Variants in EXT2 observed in about 807,000 individuals in gnomAD.
EXT2 encodes the protein exostosin-2.
In EXT2, 53 loss-of-function variants were observed where a neutral mutation model predicts 81.6. The ratio of observed to expected loss-of-function variants is 0.65; its 90% CI spans 0.52 to 0.82. The LOEUF (loss-of-function observed/expected upper bound fraction) is 0.82. Among genes scored for constraint, EXT2 ranks in the 40% least tolerant of loss-of-function variants. The pLI, the probability that EXT2 is intolerant of heterozygous loss-of-function variation, is 0.00. For synonymous variants in EXT2, 320 were observed against 340.0 expected, an observed-to-expected ratio of 0.94 and a Z score of 0.65; for missense variants, 774 against 910.2, an observed-to-expected ratio of 0.85 and a Z score of 1.93.
intron 10 of EXT2, among the ~76,000 whole-genome samples, chr11:44,224,449 G>A (rs374986303): frequency 1.4e-3 from 220 of 151,908 alleles, no homozygotes; most frequent in African/African-American, 5.1e-3. Flanking sequence ...CATCTGTTAT[G>A]ATACTTTGGA....
intron 6 of EXT2, among the ~76,000 whole-genome samples, chr11:44,129,837 G>A (rs1166066882): frequency 1.3e-5 from 2 of 152,000 alleles, no homozygotes; most frequent in Non-Finnish European, 1.5e-5. Context: ...GGGAGTGGGA[G>A]GTAAAAAAAT....
intron 8 of EXT2, among the ~76,000 whole-genome samples, chr11:44,176,821 C>CT (rs1955164514): frequency 6.6e-6 from 1 of 150,630 alleles, no homozygotes; most frequent in African/African-American, 2.4e-5. Flanking sequence ...GAGATACACT[C>CT]TTAGGGTCTC....
chr11:44,162,684 A>C (rs1271134867), intron 7 of EXT2, among the ~76,000 whole-genome samples: 1 of 152,106 alleles, frequency 6.6e-6, no homozygotes, highest in Non-Finnish European at 1.5e-5. Flanking sequence ...AGTTAGGTGA[A>C]CCATTGTGTG....
chr11:44,215,938 G>A (rs1216707877), intron 10 of EXT2, among the ~76,000 whole-genome samples: 5 of 149,698 alleles, frequency 3.3e-5, no homozygotes, highest in Admixed American at 2.7e-4. Flanking sequence ...CTGCAGTGGC[G>A]CAATCTCGGC....
chr11:44,119,171 C>CATATATATATATATATATATATAT (rs72385660), intron 4 of EXT2, among the ~76,000 whole-genome samples: 4 of 17,822 alleles, frequency 2.2e-4, no homozygotes, highest in Non-Finnish European at 3.5e-4. Context: ...TATATATATA[C>CATATATATATATATATATATATAT]ACATACACAC....
At chr11:44,097,518 G>A (rs1424122770) in intron 1 of EXT2, among the ~76,000 whole-genome samples, 3 of 152,080 alleles carry the variant, frequency 2.0e-5, no homozygotes, top group Non-Finnish European at 2.9e-5. Context: ...GGCCAGGCGC[G>A]GTGGCTCACG....
At chr11:44,187,002 CTTCCTTCCT>C (rs1306620712) in intron 8 of EXT2, among the ~76,000 whole-genome samples, 2 of 132,042 alleles carry the variant, frequency 1.5e-5, no homozygotes, top group African/African-American at 5.9e-5. Flanking sequence ...TCCTTCCTTC[CTTCCTTCCT>C]TCCTTCCTTC....
chr11:44,132,964 A>C (rs995642800), intron 7 of EXT2, among the ~76,000 whole-genome samples: 3 of 152,180 alleles, frequency 2.0e-5, no homozygotes, highest in Admixed American at 1.3e-4. Context: ...TGGTTAAAGT[A>C]ATTTCCAGTT....
chr11:44,145,687 T>C (rs1441796804), intron 7 of EXT2, among the ~76,000 whole-genome samples: 1 of 152,150 alleles, frequency 6.6e-6, no homozygotes, highest in African/African-American at 2.4e-5. Flanking sequence ...TGGCCTGAGG[T>C]TATAAAACTT....
At chr11:44,189,763 T>C (rs1255747707) in intron 8 of EXT2, among the ~76,000 whole-genome samples, 1 of 152,234 alleles carries the variant, frequency 6.6e-6, no homozygotes, top group Admixed American at 6.5e-5. Context: ...AGTTATTATT[T>C]GAGAGTGAAA....
chr11:44,229,065 GT>G (rs1449810618), intron 10 of EXT2, among the ~76,000 whole-genome samples: 1 of 152,102 alleles, frequency 6.6e-6, no homozygotes, highest in Admixed American at 6.6e-5. Flanking sequence ...CATCCCTGGT[GT>G]TTAGTTATGT....
At chr11:44,158,674 T>G (rs1954889127) in intron 7 of EXT2, among the ~76,000 whole-genome samples, 1 of 151,758 alleles carries the variant, frequency 6.6e-6, no homozygotes, top group Non-Finnish European at 1.5e-5. Flanking sequence ...TGACCTTTGC[T>G]TTTTCTCTAA....
At chr11:44,239,928 G>A (rs1333325131) in intron 13 of EXT2, among the ~76,000 whole-genome samples, 1 of 151,978 alleles carries the variant, frequency 6.6e-6, no homozygotes, top group Non-Finnish European at 1.5e-5. Flanking sequence ...ATATAAAATG[G>A]CCTAGGATTT....
rs1049173582 is a variant in EXT2 at position 44,246,679 on chromosome 11, C to T, written c.*2392C>T. Among the ~76,000 whole-genome samples the T allele has an allele frequency of 2.6e-5, 4 of 152,128 alleles. No homozygotes were observed. Among genetic ancestry groups the T allele is most frequent in the African/African-American group, 4.8e-5 (2 of 41,420 alleles). Reference sequence around the variant, plus strand: ...ATGAACAGATAGGTGGTACAGTCACCGTAGAAATTCAAGACAGGGATATAG... The same window carrying T: ...ATGAACAGATAGGTGGTACAGTCACTGTAGAAATTCAAGACAGGGATATAG... On this transcript the variant is annotated 3_prime_UTR_variant, in exon 14 of 14. Coordinates refer to ENST00000533608, the MANE Select transcript of EXT2 (RefSeq NM_207122.2).
intron 1 of EXT2, among the ~76,000 whole-genome samples, chr11:44,100,893 C>T (rs1157346003): frequency 2.0e-5 from 3 of 152,080 alleles, no homozygotes; most frequent in African/African-American, 7.2e-5. Flanking sequence ...GAGGTATGCA[C>T]CTCTCTGATG....
At chr11:44,187,311 A>G (rs1955329369) in intron 8 of EXT2, among the ~76,000 whole-genome samples, 1 of 150,984 alleles carries the variant, frequency 6.6e-6, no homozygotes, top group Non-Finnish European at 1.5e-5. Context: ...CTAAGTAACT[A>G]GGACCATAGG....
chr11:44,149,090 A>C (rs1033407080), intron 7 of EXT2, among the ~76,000 whole-genome samples: 1 of 152,192 alleles, frequency 6.6e-6, no homozygotes, highest in African/African-American at 2.4e-5. Flanking sequence ...GGTTGGGTGC[A>C]GTAGCTCAGG....
intron 10 of EXT2, among the ~76,000 whole-genome samples, chr11:44,227,269 A>G (rs984316352): frequency 1.3e-5 from 2 of 152,206 alleles, no homozygotes; most frequent in South Asian, 4.1e-4. Flanking sequence ...TTTTAGGACC[A>G]TTTATTGGGT....
chr11:44,231,637 C>T (rs1955899874), intron 10 of EXT2, among the ~76,000 whole-genome samples: 1 of 152,112 alleles, frequency 6.6e-6, no homozygotes, highest in Non-Finnish European at 1.5e-5. Context: ...GAAGAAGCAC[C>T]AAGACTAGCC....
Sources: gnomAD v4.1 joint callset for allele counts (sites outside exome capture counted in the v4.1 genomes callset) on GRCh38, gnomAD v4.1.1 for gene constraint, MANE v1.5 for transcripts, NCBI Gene and HGNC (gene_info 2026-07-23, HGNC 2026-07-21) for gene names.